TMEM236: variants seen among roughly 807,000 people sequenced by gnomAD.
The protein encoded by TMEM236 is transmembrane protein 236, also known as family with sequence similarity 23, member A.
TMEM236 carries 11 observed loss-of-function variants against 14.7 expected under a neutral mutation model. That is an observed-to-expected ratio of 0.75 (90% CI 0.47 to 1.24). The LOEUF is 1.24. Among genes scored for constraint, TMEM236 ranks in the 50% most tolerant of loss-of-function variants. The probability of loss-of-function intolerance (pLI) is 0.00; values close to 1 mark genes in which losing one functional copy is unlikely to be tolerated. For missense variants in TMEM236, 464 were observed against 427.3 expected (o/e 1.09, Z -0.76); for synonymous variants, 182 against 168.6 (o/e 1.08, Z -0.62).
chr10:17,776,130 T>A lies in TMEM236; in HGVS notation c.432T>A (p.Ile144=). The change falls in exon 3 of 4, where the codon ATT becomes ATA. Residue 144 remains isoleucine (I), a synonymous_variant. Coordinates refer to ENST00000377495, the MANE Select transcript of TMEM236 (RefSeq NM_001098844.3). The stretch of plus-strand genomic sequence containing the variant: ...TATCCCTGATCATGGTTGATATTAT[T>A]GAAAAACTCAGGATATATCCTCTTA... The part of the protein sequence containing the change: ...VLLSLIMVDI[I]EKLRIYPLRG... The A allele has an allele frequency of 6.2e-7, 1 of 1,613,744 alleles. No individual in the cohort carries two copies. Among genetic ancestry groups the A allele is most frequent in the Non-Finnish European group, 8.5e-7 (1 of 1,179,684 alleles).
At chr10:17,785,006 T>G (rs1837810912) in intron 3 of TMEM236, among the ~76,000 whole-genome samples, 1 of 152,138 alleles carries the variant, frequency 6.6e-6, no homozygotes, top group African/African-American at 2.4e-5. Flanking sequence ...CCTTGCAGGT[T>G]GAAAAGATAG....
intron 1 of TMEM236, among the ~76,000 whole-genome samples, chr10:17,765,980 C>G (rs1036650458): frequency 6.6e-6 from 1 of 152,200 alleles, no homozygotes; most frequent in African/African-American, 2.4e-5. Flanking sequence ...TTCATCTTAC[C>G]TCTGCAACCT....
chr10:17,771,190 C>T (rs1253312605), intron 1 of TMEM236, 119 bp from the exon 2 acceptor site: 1 of 909,294 alleles, frequency 1.1e-6, no homozygotes, highest in Non-Finnish European at 1.8e-6. Flanking sequence ...AATAGGGAAG[C>T]AGCAGCTTCT....
intron 3 of TMEM236, among the ~76,000 whole-genome samples, chr10:17,777,702 A>G (rs1436328174): frequency 1.3e-5 from 2 of 152,190 alleles, no homozygotes; most frequent in Non-Finnish European, 2.9e-5. Flanking sequence ...CTTTTTGGGA[A>G]TAAGTTAATA....
At chr10:17,753,158 T>G (rs1837233823) in intron 1 of TMEM236, among the ~76,000 whole-genome samples, 1 of 152,144 alleles carries the variant, frequency 6.6e-6, no homozygotes, top group African/African-American at 2.4e-5. Context: ...CCTCCCAAAG[T>G]GCTAGGATTA....
At chr10:17,762,459 C>G (rs1837380754) in intron 1 of TMEM236, among the ~76,000 whole-genome samples, 1 of 151,224 alleles carries the variant, frequency 6.6e-6, no homozygotes, top group African/African-American at 2.4e-5. Context: ...TATTTCATAA[C>G]AGAGTGTATG....
At position 17,752,217 on chromosome 10, in the gene TMEM236, G is replaced by A. The variant is rs1837219828; in HGVS notation, c.-79G>A. ...TTCGAGGACAAGGAACTTGATCCCA[G>A]TTCAGTGTCTGTGGGTCCATATGCT... On this transcript the variant is annotated 5_prime_UTR_variant, in exon 1 of 4. Transcript: ENST00000377495. 1.2e-6 allele frequency: 2 copies of A among 1,612,080 alleles called. No homozygotes were observed. The highest frequency in any genetic ancestry group is 2.2e-5 in the South Asian group (2 of 90,722).
At chr10:17,795,131 A>C (rs1837989968) in intron 3 of TMEM236, among the ~76,000 whole-genome samples, 1 of 152,212 alleles carries the variant, frequency 6.6e-6, no homozygotes, top group African/African-American at 2.4e-5. Flanking sequence ...TCTTCTTACA[A>C]AATGACAGGG....
In TMEM236 at chr10:17,787,687, G is replaced by C. The variant is rs990245311; in HGVS notation, c.473-8234G>C. On this transcript the variant is annotated intron_variant, in intron 3 of 3. Coordinates refer to ENST00000377495, the MANE Select transcript of TMEM236 (RefSeq NM_001098844.3). ...CAATACCAGGCACTCCACTGGTGCT[G>C]GGGGTACAAAGCTGAGCAGAAACAG... Among the ~76,000 whole-genome samples, 38 of 152,312 alleles carry C rather than the reference G, an allele frequency of 2.5e-4. No individual in the cohort carries two copies. The East Asian group carries it at 7.3e-3, about 29-fold the overall frequency.
In TMEM236 at chr10:17,752,231, G is replaced by GGT; in HGVS notation, c.-64_-63dup. 6.2e-7 allele frequency: 1 copy of GGT among 1,613,600 alleles called. No individual in the cohort carries two copies. Among genetic ancestry groups the GGT allele is most frequent in the Non-Finnish European group, 8.5e-7 (1 of 1,179,734 alleles). ...ACTTGATCCCAGTTCAGTGTCTGTG[G>GGT]GTCCATATGCTGCCCACAGTCAAAG... On this transcript the variant is annotated 5_prime_UTR_variant, in exon 1 of 4. Transcript: ENST00000377495.
chr10:17,781,355 G>A (rs970263474), intron 3 of TMEM236, among the ~76,000 whole-genome samples: 44 of 152,312 alleles, frequency 2.9e-4, no homozygotes, highest in African/African-American at 1.0e-3. Flanking sequence ...CAAACCTGGT[G>A]CTGGGAGGCA....
intron 3 of TMEM236, among the ~76,000 whole-genome samples, chr10:17,794,696 C>A (rs1837981260): frequency 6.6e-6 from 1 of 152,132 alleles, no homozygotes; most frequent in Non-Finnish European, 1.5e-5. Context: ...GCTTAAAAAC[C>A]TTGGATTCAG....
At chr10:17,768,976 T>G (rs1837523608) in intron 1 of TMEM236, among the ~76,000 whole-genome samples, 1 of 152,192 alleles carries the variant, frequency 6.6e-6, no homozygotes, top group African/African-American at 2.4e-5. Flanking sequence ...ATTAAGTACA[T>G]TTACATTGTT....
In TMEM236 at chr10:17,752,354, T is replaced by A. The variant is rs1325020180; in HGVS notation, c.59T>A (p.Phe20Tyr). ...VVFELLEFAAFSIPTLVITEQ... is the reference protein window; with the variant it reads ...VVFELLEFAAYSIPTLVITEQ... ...TTTGAGCTCCTAGAGTTTGCCGCTT[T>A]CTCCATCCCCACACTCGTGATCACA... Residue 20 changes from phenylalanine (F) to tyrosine (Y), a missense_variant, in exon 1 of 4, where the codon TTC (phenylalanine) becomes TAC (tyrosine). Transcript: ENST00000377495. 1 of 1,613,588 alleles carries A rather than the reference T, an allele frequency of 6.2e-7. No homozygotes were observed. The highest frequency in any genetic ancestry group is 8.5e-7 in the Non-Finnish European group (1 of 1,179,832).
At chr10:17,776,751 A>G (rs1837663999) in intron 3 of TMEM236, among the ~76,000 whole-genome samples, 2 of 152,224 alleles carry the variant, frequency 1.3e-5, no homozygotes, top group Non-Finnish European at 2.9e-5. Context: ...CCTGAGCAAC[A>G]TAGCAAGACA....
intron 1 of TMEM236, among the ~76,000 whole-genome samples, chr10:17,768,090 T>TTG: frequency 8.0e-6 from 1 of 125,472 alleles, no homozygotes; most frequent in South Asian, 2.6e-4. Context: ...TTTGTGGTTT[T>TTG]TTTTTTTTTT....
intron 1 of TMEM236, among the ~76,000 whole-genome samples, chr10:17,753,731 T>C (rs1360044745): frequency 3.9e-5 from 6 of 152,352 alleles, no homozygotes; most frequent in South Asian, 2.1e-4. Flanking sequence ...GTCTGTATAA[T>C]AGAATGATTT....
intron 3 of TMEM236, among the ~76,000 whole-genome samples, chr10:17,780,709 A>G (rs1589149000): frequency 1.3e-5 from 2 of 152,174 alleles, no homozygotes; most frequent in South Asian, 4.1e-4. Flanking sequence ...TAGATACCCA[A>G]GGTTCGTCAT....
In TMEM236 at chr10:17,796,867, C is replaced by T. The variant is rs1838024426; in HGVS notation, c.*363C>T. The T allele has an allele frequency of 7.0e-6, 2 of 285,210 alleles. No homozygotes were observed. Among genetic ancestry groups the T allele is most frequent in the Admixed American group, 5.1e-5 (1 of 19,754 alleles). 17.7% of individuals were successfully genotyped at this position (285,210 alleles called of 1,614,324 possible). The stretch of plus-strand genomic sequence containing the variant: ...CGTGGTGAACCTCAAACTGAGCGTT[C>T]CCGCCTGCATTCCGCCTCCTGTCAG... On this transcript the variant is annotated 3_prime_UTR_variant, in exon 4 of 4. Transcript: ENST00000377495.
Sources: gnomAD v4.1 joint callset for allele counts (sites outside exome capture counted in the v4.1 genomes callset) on GRCh38, gnomAD v4.1.1 for gene constraint, MANE v1.5 for transcripts, NCBI Gene and HGNC (gene_info 2026-07-23, HGNC 2026-07-21) for gene names.